The following IMMP2L variants were observed in gnomAD, a reference collection of about 807,000 sequenced individuals.
The protein encoded by IMMP2L is inner mitochondrial membrane peptidase subunit 2.
A neutral mutation model predicts 19.3 loss-of-function variants in IMMP2L; 18 were observed. That is an observed-to-expected ratio of 0.93 (90% confidence interval 0.64 to 1.38). The LOEUF is 1.38. Among genes scored for constraint, IMMP2L ranks in the 40% most tolerant of loss-of-function variants. The probability of loss-of-function intolerance (pLI) is 0.00; values close to 1 mark genes in which losing one functional copy is unlikely to be tolerated. For missense variants in IMMP2L, 233 were observed against 218.2 expected (o/e 1.07, Z -0.43); for synonymous variants, 76 against 73.0 (o/e 1.04, Z -0.21).
At chr7:111,450,781 C>A (rs1388242806) in intron 3 of IMMP2L, among the ~76,000 whole-genome samples, 40 of 151,256 alleles carry the variant, frequency 2.6e-4, no homozygotes, top group Non-Finnish European at 4.9e-4. Flanking sequence ...CAACCTACAA[C>A]ATGGGAGAAA....
intron 1 of IMMP2L, among the ~76,000 whole-genome samples, chr7:111,526,903 G>A (rs1388382753): frequency 6.6e-6 from 1 of 152,142 alleles, no homozygotes; most frequent in Non-Finnish European, 1.5e-5. Flanking sequence ...TAGTTATAAG[G>A]TAGTATGCAT....
chr7:111,276,106 T>C (rs936283224), intron 3 of IMMP2L, among the ~76,000 whole-genome samples: 8 of 152,154 alleles, frequency 5.3e-5, no homozygotes, highest in African/African-American at 1.9e-4. Flanking sequence ...CTTTATTATG[T>C]TGAGATATGT....
chr7:110,773,269 A>T (rs1047230082), intron 5 of IMMP2L, among the ~76,000 whole-genome samples: 4 of 152,136 alleles, frequency 2.6e-5, no homozygotes, highest in African/African-American at 9.7e-5. Flanking sequence ...CAAAATGTTC[A>T]CAACCCGCCT....
intron 3 of IMMP2L, among the ~76,000 whole-genome samples, chr7:111,143,490 A>G (rs893430139): frequency 1.3e-5 from 2 of 152,158 alleles, no homozygotes; most frequent in African/African-American, 2.4e-5. Context: ...TTTTTAAGAA[A>G]ATAAAGTAGA....
intron 3 of IMMP2L, among the ~76,000 whole-genome samples, chr7:111,380,018 T>G (rs1007886490): frequency 6.6e-6 from 1 of 151,924 alleles, no homozygotes; most frequent in African/African-American, 2.4e-5. Context: ...AATAGTAAAA[T>G]AGCTCCATCG....
intron 3 of IMMP2L, among the ~76,000 whole-genome samples, chr7:111,218,993 A>G (rs1031995996): frequency 1.6e-4 from 25 of 152,038 alleles, no homozygotes; most frequent in African/African-American, 5.8e-4. Context: ...TACAAGATCA[A>G]AATTCATCTA....
intron 5 of IMMP2L, among the ~76,000 whole-genome samples, chr7:110,816,800 T>G (rs576944092): frequency 1.4e-4 from 22 of 152,000 alleles, no homozygotes; most frequent in Admixed American, 1.4e-3. Context: ...CCTGCCTTTT[T>G]TTGTTTTCCA....
chr7:110,849,384 C>T (rs1050914313), intron 5 of IMMP2L, among the ~76,000 whole-genome samples: 7 of 151,922 alleles, frequency 4.6e-5, no homozygotes, highest in South Asian at 2.1e-4. Flanking sequence ...TACATGTCTA[C>T]GAAATCAAAA....
chr7:111,464,064 T>C (rs539941262), intron 3 of IMMP2L, among the ~76,000 whole-genome samples: 193 of 152,254 alleles, frequency 1.3e-3, no homozygotes, highest in Non-Finnish European at 2.1e-3. Flanking sequence ...GTCAGGAGCA[T>C]GGATTGTGAA....
intron 4 of IMMP2L, chr7:110,963,226 A>G (rs1819155798): frequency 1.5e-6 from 1 of 665,380 alleles, no homozygotes; most frequent in Non-Finnish European, 2.4e-6. Flanking sequence ...TATCTGATCA[A>G]TAATGATTTA....
intron 3 of IMMP2L, among the ~76,000 whole-genome samples, chr7:111,366,753 C>A (rs911604675): frequency 6.6e-6 from 1 of 151,876 alleles, no homozygotes; most frequent in African/African-American, 2.4e-5. Context: ...AGAATATATA[C>A]ATATATTCAT....
At chr7:110,915,706 A>G (rs1813534274) in intron 4 of IMMP2L, among the ~76,000 whole-genome samples, 1 of 152,218 alleles carries the variant, frequency 6.6e-6, no homozygotes, top group Admixed American at 6.5e-5. Flanking sequence ...TACAACATGT[A>G]TGTATATCAA....
intron 5 of IMMP2L, among the ~76,000 whole-genome samples, chr7:110,818,348 C>A (rs1257429110): frequency 6.6e-6 from 1 of 152,180 alleles, no homozygotes; most frequent in African/African-American, 2.4e-5. Context: ...ATGCAGCCAA[C>A]AGACACATGA....
At chr7:111,378,932 G>C (rs1222424740) in intron 3 of IMMP2L, among the ~76,000 whole-genome samples, 2 of 151,580 alleles carry the variant, frequency 1.3e-5, no homozygotes, top group African/African-American at 4.8e-5. Flanking sequence ...ATGAGAAACA[G>C]GTATACAATT....
chr7:111,173,643 G>C (rs563142325), intron 3 of IMMP2L, among the ~76,000 whole-genome samples: 1 of 151,722 alleles, frequency 6.6e-6, no homozygotes, highest in East Asian at 1.9e-4. Context: ...AAGAACAACA[G>C]TGAATGCATT....
chr7:111,306,606 C>CTGTGTGTGTG (rs71147473), intron 3 of IMMP2L, among the ~76,000 whole-genome samples: 5 of 136,118 alleles, frequency 3.7e-5, no homozygotes, highest in Admixed American at 1.5e-4. Context: ...TCACTGGACT[C>CTGTGTGTGTG]TGTGTGTGTG....
At chr7:111,494,047 A>G (rs1843368437) in intron 2 of IMMP2L, among the ~76,000 whole-genome samples, 1 of 152,190 alleles carries the variant, frequency 6.6e-6, no homozygotes, top group Admixed American at 6.5e-5. Flanking sequence ...ATGAAGTTAA[A>G]CACATCAAGT....
intron 3 of IMMP2L, among the ~76,000 whole-genome samples, chr7:111,042,427 C>T (rs902734757): frequency 2.6e-5 from 4 of 152,160 alleles, no homozygotes; most frequent in Admixed American, 1.3e-4. Context: ...GAGATCCACC[C>T]GCCTCAGCCT....
At chr7:111,093,897 G>A (rs1456954327) in intron 3 of IMMP2L, among the ~76,000 whole-genome samples, 1 of 152,098 alleles carries the variant, frequency 6.6e-6, no homozygotes, top group African/African-American at 2.4e-5. Context: ...CTTGTCACAG[G>A]CAACATGCTG....
Sources: gnomAD v4.1 joint callset for allele counts (sites outside exome capture counted in the v4.1 genomes callset) on GRCh38, gnomAD v4.1.1 for gene constraint, MANE v1.5 for transcripts, NCBI Gene and HGNC (gene_info 2026-07-23, HGNC 2026-07-21) for gene names.